Variants in DMXL1 observed in about 807,000 individuals in gnomAD.
DMXL1 encodes Dmx like 1.
A neutral mutation model predicts 319.2 loss-of-function variants in DMXL1; 99 were observed. The ratio of observed to expected loss-of-function variants is 0.31; its 90% CI spans 0.26 to 0.37. The LOEUF is 0.37. Ranked by LOEUF, DMXL1 falls within the 10% of genes least tolerant of loss-of-function variation. DMXL1 has a pLI of 1.00. For missense variants in DMXL1, 3,745 were observed against 3,595.6 expected, an observed-to-expected ratio of 1.04 and a Z score of -1.06; for synonymous variants, 1,385 against 1,235.2, an observed-to-expected ratio of 1.12 and a Z score of -2.54.
At chr5:119,217,562 G>T (rs1248670395) in intron 35 of DMXL1, among the ~76,000 whole-genome samples, 1 of 151,984 alleles carries the variant, frequency 6.6e-6, no homozygotes, top group Non-Finnish European at 1.5e-5. Context: ...TTGCCTTACT[G>T]TATGGTTCCT....
In DMXL1 at chr5:119,133,562, A is replaced by G. The variant is rs1561677508; in HGVS notation, c.1638A>G (p.Ile546Met). Reference protein sequence around the residue: ...TGDANSLCKSIMMYACTKNVD... With the variant: ...TGDANSLCKSMMMYACTKNVD... ...ATGCAAACTCTCTCTGTAAAAGCAT[A>G]ATGATGTATGCCTGTACCAAGAATG... Residue 546 changes from isoleucine to methionine, a missense_variant, in exon 12 of 44, where the codon ATA (isoleucine) becomes ATG (methionine). Transcript: ENST00000539542. The G allele has an allele frequency of 6.2e-7, 1 of 1,614,130 alleles. No homozygotes were observed. The highest frequency in any genetic ancestry group is 1.6e-4 in the Middle Eastern group (1 of 6,062).
chr5:119,145,198 A>G (rs1451629842), intron 15 of DMXL1, among the ~76,000 whole-genome samples: 1 of 151,836 alleles, frequency 6.6e-6, no homozygotes, highest in Non-Finnish European at 1.5e-5. Flanking sequence ...AATCTTATAA[A>G]TCAATTATAC....
intron 19 of DMXL1, among the ~76,000 whole-genome samples, chr5:119,153,811 G>A (rs748844152): frequency 2.6e-5 from 4 of 152,178 alleles, no homozygotes; most frequent in Non-Finnish European, 5.9e-5. Flanking sequence ...ATTGTGTTCT[G>A]CTAGGTTGCA....
chr5:119,188,245 C>G (rs777371026), intron 28 of DMXL1, among the ~76,000 whole-genome samples: 2 of 151,624 alleles, frequency 1.3e-5, no homozygotes, highest in Non-Finnish European at 2.9e-5. Context: ...ATTGTCTATA[C>G]TTCTTGGTTC....
intron 37 of DMXL1, among the ~76,000 whole-genome samples, chr5:119,222,433 A>T (rs1221110224): frequency 6.6e-6 from 1 of 152,212 alleles, no homozygotes; most frequent in African/African-American, 2.4e-5. Flanking sequence ...TTTCCAGCTG[A>T]CAGATATGTT....
chr5:119,196,511 TG>T (rs2150407679), intron 31 of DMXL1, 55 bp downstream of exon 31: 12 of 1,068,072 alleles, frequency 1.1e-5, no homozygotes, highest in African/African-American at 1.6e-5. Context: ...CTTACTACTC[TG>T]TTGTTTTTTT....
chr5:119,175,399 T>G (rs986465368), intron 26 of DMXL1, 62 bp downstream of exon 26: 17 of 1,234,314 alleles, frequency 1.4e-5, no homozygotes, highest in Non-Finnish European at 1.9e-5. Context: ...TCATATTTTG[T>G]ATGTTAGTGG....
At chr5:119,182,045 C>T (rs926287529) in intron 28 of DMXL1, among the ~76,000 whole-genome samples, 12 of 152,090 alleles carry the variant, frequency 7.9e-5, no homozygotes, top group Admixed American at 7.9e-4. Flanking sequence ...GAAAACTTAC[C>T]GAGGCAGGAC....
At position 119,164,673 on chromosome 5, in the gene DMXL1, A is replaced by G. The variant is rs780736338; in HGVS notation, c.4869A>G (p.Glu1623=). The G allele has an allele frequency of 8.2e-6, 13 of 1,591,506 alleles. No individual in the cohort carries two copies. The highest frequency in any genetic ancestry group is 1.3e-5 in the African/African-American group (1 of 74,530). ...RNTRILRKCI[E]KVAKAAFYRK... is the part of the protein sequence containing the mutation. ...CCCGCATCTTACGCAAATGCATAGA[A>G]AAAGTAAGTGTTTTATTTTGGTGTA... Residue 1623 remains glutamate (E), a synonymous_variant, in exon 20 of 44, where the codon GAA becomes GAG. Transcript: ENST00000539542.
intron 29 of DMXL1, among the ~76,000 whole-genome samples, chr5:119,192,412 C>G (rs961078693): frequency 3.3e-5 from 5 of 152,156 alleles, no homozygotes; most frequent in African/African-American, 1.2e-4. Context: ...CAAACCCCTG[C>G]TTTGACCCTG....
At chr5:119,215,540 T>C (rs1783530325) in intron 34 of DMXL1, among the ~76,000 whole-genome samples, 1 of 152,020 alleles carries the variant, frequency 6.6e-6, no homozygotes, top group Non-Finnish European at 1.5e-5. Context: ...TTTGTACTTT[T>C]CTCCATGTTG....
intron 19 of DMXL1, among the ~76,000 whole-genome samples, chr5:119,157,544 A>G (rs1190085353): frequency 6.6e-6 from 1 of 152,146 alleles, no homozygotes; most frequent in Non-Finnish European, 1.5e-5. Context: ...GCATGTGGTT[A>G]TCTAGTTTTC....
chr5:119,081,495 C>T (rs1330697616), intron 1 of DMXL1: 2 of 866,760 alleles, frequency 2.3e-6, no homozygotes, highest in East Asian at 2.4e-4. Context: ...TGAGAACATA[C>T]TTTGACTCAA....
intron 1 of DMXL1, among the ~76,000 whole-genome samples, chr5:119,085,564 C>T (rs1168872584): frequency 6.6e-6 from 1 of 152,036 alleles, no homozygotes; most frequent in Non-Finnish European, 1.5e-5. Flanking sequence ...TGAATTTGTT[C>T]ATCCGTTCTA....
At chr5:119,186,148 T>A (rs1777670438) in intron 28 of DMXL1, among the ~76,000 whole-genome samples, 1 of 152,222 alleles carries the variant, frequency 6.6e-6, no homozygotes. Context: ...AGGTCCAGAC[T>A]AATGTGCCTC....
intron 1 of DMXL1, among the ~76,000 whole-genome samples, chr5:119,092,613 C>T (rs1755036457): frequency 1.3e-5 from 2 of 152,280 alleles, no homozygotes; most frequent in South Asian, 4.1e-4. Context: ...TCCTCACCCC[C>T]AAGAGAAATC....
intron 13 of DMXL1, among the ~76,000 whole-genome samples, chr5:119,135,508 C>T (rs569764353): frequency 7.2e-5 from 11 of 152,200 alleles, no homozygotes; most frequent in Middle Eastern, 3.4e-3. Context: ...ATCCCAAGGC[C>T]GGAGCATGTT....
At chr5:119,198,193 T>G (rs111258043) in intron 32 of DMXL1, among the ~76,000 whole-genome samples, 4,238 of 152,268 alleles carry the variant, frequency 0.028, 183 homozygotes, top group African/African-American at 0.097. Context: ...TTCACCATGT[T>G]GGCCAGGCTG....
chr5:119,209,816 T>C (rs1040035251), intron 34 of DMXL1, among the ~76,000 whole-genome samples: 6 of 152,212 alleles, frequency 3.9e-5, no homozygotes, highest in South Asian at 2.1e-4. Context: ...TCAAATCTTA[T>C]GTTTATTTTG....
Sources: gnomAD v4.1 joint callset for allele counts (sites outside exome capture counted in the v4.1 genomes callset) on GRCh38, gnomAD v4.1.1 for gene constraint, MANE v1.5 for transcripts, NCBI Gene and HGNC (gene_info 2026-07-23, HGNC 2026-07-21) for gene names.